The following RELN variants were observed in gnomAD, a reference collection of about 807,000 sequenced individuals.
RELN encodes the protein reelin.
In RELN, 108 loss-of-function variants were observed where a neutral mutation model predicts 427.6. That is an observed-to-expected ratio of 0.25 (90% CI 0.22 to 0.30). The LOEUF (loss-of-function observed/expected upper bound fraction) is 0.30. Ranked by LOEUF, RELN falls within the 10% of genes least tolerant of loss-of-function variation. The pLI is 1.00. For synonymous variants in RELN, 1,524 were observed against 1,513.4 expected (o/e 1.01, Z -0.16); for missense variants, 3,715 against 4,302.8 (o/e 0.86, Z 3.82).
Position 103,561,801 on chromosome 7 carries a change from T to C in RELN, c.5351+12A>G. 6.2e-7 allele frequency: 1 copy of C among 1,613,876 alleles called. No individual in the cohort carries two copies. The highest frequency in any genetic ancestry group is 8.5e-7 in the Non-Finnish European group (1 of 1,179,896). Reference sequence around the variant, plus strand: ...GTTACAAAGAAAGAAACTGTCAGTTTTATTAACTTACACACAGCGTCCAGC... The same window carrying C: ...GTTACAAAGAAAGAAACTGTCAGTTCTATTAACTTACACACAGCGTCCAGC... On this transcript the variant is annotated intron_variant, in intron 35 of 64. Coordinates refer to ENST00000428762, the MANE Select transcript of RELN (RefSeq NM_005045.4).
rs771624583 is a variant in RELN at position 103,523,403 on chromosome 7, T to C, written c.7478A>G (p.Gln2493Arg). 2 of 1,614,180 alleles carry C rather than the reference T, an allele frequency of 1.2e-6. No individual in the cohort carries two copies. The highest frequency in any genetic ancestry group is 1.7e-6 in the Non-Finnish European group (2 of 1,180,040). The change falls in exon 47 of 65, where the codon CAG becomes CGG. Residue 2493 changes from glutamine to arginine, a missense_variant. Physicochemically the swap from Gln to Arg is conservative, Grantham distance 43 (BLOSUM62 1). Transcript: ENST00000428762. ...AAAACCGACTTACACGCAGTTTCCC[T>C]GGATGCATCTCCCATGGCCACTGCA... is the stretch of plus-strand genomic sequence containing the variant. ...DMCSGHGRCI[Q>R]GNCVCDEQWG...
chr7:103,882,475 G>A (rs924207269), intron 2 of RELN, among the ~76,000 whole-genome samples: 1 of 150,940 alleles, frequency 6.6e-6, no homozygotes, highest in South Asian at 2.1e-4. Context: ...TTTATTTTTT[G>A]TATTTATCCT....
intron 4 of RELN, among the ~76,000 whole-genome samples, chr7:103,767,077 G>C (rs1490222013): frequency 2.0e-5 from 3 of 152,148 alleles, no homozygotes; most frequent in Non-Finnish European, 4.4e-5. Flanking sequence ...AAGCCCACAG[G>C]CCAATGAATA....
intron 44 of RELN, 91 bp from the exon 45 acceptor site, chr7:103,539,418 T>C: frequency 7.6e-7 from 1 of 1,318,838 alleles, no homozygotes. Flanking sequence ...TTGTTTGTTT[T>C]GATCTGTTGG....
intron 6 of RELN, among the ~76,000 whole-genome samples, chr7:103,748,709 T>C (rs1274697059): frequency 1.3e-5 from 2 of 152,234 alleles, no homozygotes; most frequent in African/African-American, 2.4e-5. Context: ...TCTTGAGTAT[T>C]ACATTACTTG....
chr7:103,943,294 G>T (rs1796152882), intron 1 of RELN, among the ~76,000 whole-genome samples: 1 of 152,150 alleles, frequency 6.6e-6, no homozygotes, highest in Non-Finnish European at 1.5e-5. Flanking sequence ...TATTAAAATT[G>T]TGACAGCTGC....
intron 2 of RELN, among the ~76,000 whole-genome samples, chr7:103,871,559 C>T (rs1347347231): frequency 1.3e-5 from 2 of 152,064 alleles, no homozygotes; most frequent in African/African-American, 4.8e-5. Flanking sequence ...ACCACTTTGC[C>T]TCAGTGACTT....
chr7:103,956,089 T>C (rs1371713007), intron 1 of RELN, among the ~76,000 whole-genome samples: 1 of 152,212 alleles, frequency 6.6e-6, no homozygotes, highest in African/African-American at 2.4e-5. Flanking sequence ...GCATCTCATG[T>C]GTGTTCCATG....
chr7:103,586,367 A>G (rs1229553831), intron 28 of RELN, among the ~76,000 whole-genome samples: 1 of 152,084 alleles, frequency 6.6e-6, no homozygotes, highest in African/African-American at 2.4e-5. Context: ...CATCTCAAAA[A>G]AATAAAAATA....
intron 11 of RELN, among the ~76,000 whole-genome samples, chr7:103,663,542 C>T (rs554949890): frequency 9.7e-4 from 148 of 152,260 alleles, no homozygotes; most frequent in Non-Finnish European, 1.7e-3. Context: ...TCAATTGGCA[C>T]ATTGGGAAAC....
intron 1 of RELN, among the ~76,000 whole-genome samples, chr7:103,979,545 C>T (rs539658379): frequency 1.9e-4 from 29 of 152,206 alleles, no homozygotes; most frequent in Non-Finnish European, 4.0e-4. Context: ...TGAAAAATAA[C>T]TCCACAAAGG....
chr7:103,678,962 G>C (rs576505166), intron 11 of RELN, among the ~76,000 whole-genome samples: 1 of 152,088 alleles, frequency 6.6e-6, no homozygotes, highest in African/African-American at 2.4e-5. Context: ...AAAACAGAAC[G>C]CATCAAGAAT....
chr7:103,909,721 AAATATATTTTTT>A (rs1795305543), intron 2 of RELN, among the ~76,000 whole-genome samples: 1 of 26,188 alleles, frequency 3.8e-5, no homozygotes, highest in Non-Finnish European at 6.6e-5. Flanking sequence ...AATATATATT[AAATATATTTTTT>A]AATATATATA....
chr7:103,524,079 A>G (rs1221940602), intron 46 of RELN, among the ~76,000 whole-genome samples: 1 of 152,182 alleles, frequency 6.6e-6, no homozygotes, highest in Admixed American at 6.5e-5. Flanking sequence ...GATCTTCCTG[A>G]GCCTTGTAAA....
At chr7:103,919,717 A>G (rs1262302068) in intron 1 of RELN, among the ~76,000 whole-genome samples, 1 of 152,144 alleles carries the variant, frequency 6.6e-6, no homozygotes, top group Non-Finnish European at 1.5e-5. Flanking sequence ...TCACTTTTCA[A>G]GCACTATTTT....
chr7:103,947,293 G>A (rs75582135), intron 1 of RELN, among the ~76,000 whole-genome samples: 4,419 of 152,240 alleles, frequency 0.029, 210 homozygotes, highest in East Asian at 0.22. Context: ...TCCCTTCAAA[G>A]TAATCATTTG....
At chr7:103,796,108 T>C (rs1230793488) in intron 3 of RELN, among the ~76,000 whole-genome samples, 3 of 152,196 alleles carry the variant, frequency 2.0e-5, no homozygotes, top group African/African-American at 7.2e-5. Context: ...AATTTAAATA[T>C]CCCTGGAGTT....
At chr7:103,979,816 C>G (rs538366982) in intron 1 of RELN, among the ~76,000 whole-genome samples, 85 of 152,252 alleles carry the variant, frequency 5.6e-4, no homozygotes, top group Non-Finnish European at 8.1e-4. Context: ...CTCTTATATT[C>G]AAATCCTATA....
intron 6 of RELN, among the ~76,000 whole-genome samples, chr7:103,729,678 G>T (rs1331016954): frequency 6.6e-6 from 1 of 152,088 alleles, no homozygotes; most frequent in African/African-American, 2.4e-5. Context: ...CCTGTCTCTT[G>T]TTCATCATTT....
Sources: allele counts gnomAD v4.1 joint callset (sites outside exome capture counted in the v4.1 genomes callset), GRCh38; gene constraint gnomAD v4.1.1; transcripts MANE v1.5; gene names NCBI Gene and HGNC (gene_info 2026-07-23, HGNC 2026-07-21).